Variants in MAU2 observed in about 807,000 individuals in gnomAD.
MAU2 encodes the protein MAU2 sister chromatid cohesion factor, also known as MAU2 chromatid cohesion factor homolog.
Under a neutral mutation model 89.1 loss-of-function variants are expected in MAU2, and 9 were observed. That is an observed-to-expected ratio of 0.10 (90% CI 0.06 to 0.18). The LOEUF (loss-of-function observed/expected upper bound fraction) is 0.18. Among genes scored for constraint, MAU2 ranks in the 10% least tolerant of loss-of-function variants. The pLI, the probability that MAU2 is intolerant of heterozygous loss-of-function variation, is 1.00. For synonymous variants in MAU2, 357 were observed against 343.4 expected (o/e 1.04, Z -0.44); for missense variants, 425 against 803.5 (o/e 0.53, Z 5.69).
intron 1 of MAU2, among the ~76,000 whole-genome samples, chr19:19,323,434 T>C (rs764900146): frequency 9.2e-5 from 14 of 152,222 alleles, no homozygotes; most frequent in Non-Finnish European, 1.9e-4. Flanking sequence ...CCTCAAGTGA[T>C]CCGCCCATCT....
At chr19:19,332,747 G>A (rs373947480) in intron 1 of MAU2, among the ~76,000 whole-genome samples, 18 of 152,260 alleles carry the variant, frequency 1.2e-4, no homozygotes, top group Middle Eastern at 3.4e-3. Flanking sequence ...GCAGAGAGGC[G>A]AGCCCGTTAG....
rs1340985041 is a variant in MAU2 at position 19,358,415 on chromosome 19, G to A, written c.*2633G>A. 2 of 152,076 alleles carry A rather than the reference G, an allele frequency of 1.3e-5. No homozygotes were observed. Among genetic ancestry groups the A allele is most frequent in the African/African-American group, 4.8e-5 (2 of 41,396 alleles). The allele number at this position is 152,076 out of a possible 1,614,324, so 9.4% of individuals were successfully genotyped here. On this transcript the variant is annotated 3_prime_UTR_variant, in exon 19 of 19. Coordinates refer to ENST00000262815, the MANE Select transcript of MAU2 (RefSeq NM_015329.4). ...CCGGTGGGCGAGGATCCTCTCCCTGGGATAAGCACTCCCAGCCCCGTTTAT... is the reference window on the plus strand; with the variant it reads ...CCGGTGGGCGAGGATCCTCTCCCTGAGATAAGCACTCCCAGCCCCGTTTAT...
In MAU2 at chr19:19,342,636, C is replaced by T. The variant is rs2061660166; in HGVS notation, c.837C>T (p.Leu279=). 3 of 1,613,370 alleles carry T rather than the reference C, an allele frequency of 1.9e-6. No homozygotes were observed. The highest frequency in any genetic ancestry group is 2.7e-5 in the African/African-American group (2 of 74,940). The change falls in exon 8 of 19, where the codon CTC becomes CTT. Residue 279 remains leucine, a synonymous_variant. Coordinates refer to ENST00000262815, the MANE Select transcript of MAU2 (RefSeq NM_015329.4). ...DEILPSNPAD[L]FHWLPKEHMC... ...TCCTGCCCAGCAACCCCGCTGACCT[C>T]TTCCACTGGCTGCCCAAGGAGCACA... is the stretch of plus-strand genomic sequence containing the variant.
intron 1 of MAU2, chr19:19,334,502 C>G (rs2061580766): frequency 1.0e-6 from 1 of 985,814 alleles, no homozygotes. Flanking sequence ...CCCAAGGCTG[C>G]CCCCAGCCGT....
At position 19,320,868 on chromosome 19, in the gene MAU2, T is replaced by C. The variant is rs966905559; in HGVS notation, c.9T>C (p.Ala3=). ...TTGTTGTGGAGGCCAAAATGGCGGC[T>C]CAGGCGGCGGCAGCGGCCCAGGCGG... MA[A]QAAAAAQAAA... Residue 3 remains alanine (A), a synonymous_variant, in exon 1 of 19, where the codon GCT becomes GCC. Transcript: ENST00000262815. The C allele has an allele frequency of 1.3e-6, 2 of 1,518,714 alleles. No homozygotes were observed. Among genetic ancestry groups the C allele is most frequent in the South Asian group, 1.3e-5 (1 of 78,390 alleles). 94.1% of individuals were successfully genotyped at this position (1,518,714 alleles called of 1,614,324 possible). A position where few individuals can be genotyped will look rare whatever the true frequency, so the allele number is the denominator to read the frequency against.
At chr19:19,344,348 G>T (rs538007358) in intron 10 of MAU2, 1 of 239,536 alleles carries the variant, frequency 4.2e-6, no homozygotes, top group East Asian at 1.1e-4. Context: ...GGAGGCAGAG[G>T]TTGCAGTGAG....
chr19:19,321,767 T>C (rs2061459579), intron 1 of MAU2: 2 of 152,156 alleles, frequency 1.3e-5, no homozygotes, highest in African/African-American at 4.8e-5. Flanking sequence ...TTGAGGCCTA[T>C]GAGGAGGAGA....
At position 19,320,892 on chromosome 19, in the gene MAU2, G is replaced by GGCGGCGGCCCAGGCT; in HGVS notation, c.37_51dup (p.Ala13_Ala17dup). On this transcript the variant is annotated inframe_insertion, in exon 1 of 19. Coordinates refer to ENST00000262815, the MANE Select transcript of MAU2 (RefSeq NM_015329.4). ...CTCAGGCGGCGGCAGCGGCCCAGGC[G>GGCGGCGGCCCAGGCT]GCGGCGGCCCAGGCTGCGCAGGCCG... 1 of 1,496,870 alleles carries GGCGGCGGCCCAGGCT rather than the reference G, an allele frequency of 6.7e-7. No homozygotes were observed. Among genetic ancestry groups the GGCGGCGGCCCAGGCT allele is most frequent in the African/African-American group, 1.4e-5 (1 of 70,228 alleles). The allele number at this position is 1,496,870 out of a possible 1,614,324, so 92.7% of individuals were successfully genotyped here.
intron 1 of MAU2, among the ~76,000 whole-genome samples, chr19:19,327,166 G>A (rs1232150740): frequency 6.8e-6 from 1 of 146,074 alleles, no homozygotes; most frequent in Non-Finnish European, 1.5e-5. Flanking sequence ...CTGTTGCCCA[G>A]GCTGGAGTGC....
rs1235656281 is a variant in MAU2, at chr19:19,342,628, G to A, written c.829G>A (p.Ala277Thr). 2 of 1,613,322 alleles carry A rather than the reference G, an allele frequency of 1.2e-6. No individual in the cohort carries two copies. Among genetic ancestry groups the A allele is most frequent in the Non-Finnish European group, 1.7e-6 (2 of 1,179,614 alleles). The change falls in exon 8 of 19, where the codon GCT (alanine) becomes ACT (threonine). Residue 277 changes from alanine to threonine, a missense_variant. This residue lies in a region of MAU2 where 119 missense variants were observed against 299.8 expected (regional missense o/e 0.40). Coordinates refer to ENST00000262815, the MANE Select transcript of MAU2 (RefSeq NM_015329.4). ...TGATGAGATCCTGCCCAGCAACCCC[G>A]CTGACCTCTTCCACTGGCTGCCCAA... ...HDDEILPSNP[A>T]DLFHWLPKEH...
At chr19:19,355,021 A>T (rs1035703442) in intron 17 of MAU2, 3 of 463,212 alleles carry the variant, frequency 6.5e-6, no homozygotes, top group Non-Finnish European at 1.2e-5. Flanking sequence ...GGCTCCCTGG[A>T]GGGCTGGCGA....
At chr19:19,339,897 A>G (rs528937904) in intron 5 of MAU2, among the ~76,000 whole-genome samples, 40 of 151,604 alleles carry the variant, frequency 2.6e-4, no homozygotes, top group African/African-American at 2.7e-4. Context: ...GGCCGGGCGC[A>G]GTGGCTCACA....
intron 1 of MAU2, among the ~76,000 whole-genome samples, chr19:19,322,937 C>T (rs1157053574): frequency 6.6e-6 from 1 of 152,022 alleles, no homozygotes; most frequent in Non-Finnish European, 1.5e-5. Context: ...GTTGCCGGGG[C>T]TGTAGCGCAA....
rs2061447174 is a variant in MAU2 at position 19,320,937 on chromosome 19, C to G, written c.78C>G (p.Tyr26Ter). The change falls in exon 1 of 19, where the codon TAC becomes TAG. Residue 26 changes from tyrosine (Y) to a stop codon, truncating the protein, a stop_gained. Transcript: ENST00000262815. LOFTEE classifies it high-confidence loss of function. ...AAQAEAADSW[Y>*]LALLGFAEHF... ...AGGCCGAGGCGGCCGACTCGTGGTACCTGGCGCTTCTGGGCTTCGCTGAGC... is the reference window on the plus strand; with the variant it reads ...AGGCCGAGGCGGCCGACTCGTGGTAGCTGGCGCTTCTGGGCTTCGCTGAGC... 1 of 1,575,716 alleles carries G rather than the reference C, an allele frequency of 6.3e-7. No homozygotes were observed. The highest frequency in any genetic ancestry group is 1.4e-5 in the African/African-American group (1 of 73,606).
chr19:19,355,920 C>T lies in MAU2; in HGVS notation c.*138C>T. The T allele has an allele frequency of 1.2e-6, 1 of 846,446 alleles. No homozygotes were observed. The highest frequency in any genetic ancestry group is 2.0e-6 in the Non-Finnish European group (1 of 511,862). The allele number at this position is 846,446 out of a possible 1,614,324, so 52.4% of individuals were successfully genotyped here. ...TCCAAGTCCTGGGAATGTGCGGGGC[C>T]AGTCCCTGCCCTCCCAGGAGGGGTG... On this transcript the variant is annotated 3_prime_UTR_variant, in exon 19 of 19. Coordinates refer to ENST00000262815, the MANE Select transcript of MAU2 (RefSeq NM_015329.4).
At chr19:19,347,242 C>T in intron 12 of MAU2, 38 bp from the exon 13 acceptor site, 2 of 1,418,972 alleles carry the variant, frequency 1.4e-6, no homozygotes, top group Non-Finnish European at 2.0e-6. Flanking sequence ...GTCACAGCAC[C>T]CGACCCAGCC....
At chr19:19,328,020 C>T (rs1312727683) in intron 1 of MAU2, among the ~76,000 whole-genome samples, 2 of 151,836 alleles carry the variant, frequency 1.3e-5, no homozygotes, top group East Asian at 1.9e-4. Context: ...TTAGCGGGCC[C>T]GTGGTGGCTC....
At position 19,334,490 on chromosome 19, in the gene MAU2, G is replaced by T. The variant is rs1054802302; in HGVS notation, c.277-1228G>T. 5 of 985,810 alleles carry T rather than the reference G, an allele frequency of 5.1e-6. No homozygotes were observed. In the African/African-American group the frequency reaches 5.2e-5, roughly 10 times the overall value. The allele number at this position is 985,810 out of a possible 1,614,324, so 61.1% of individuals were successfully genotyped here. ...CTCACCCTTGCCCTAGAGATCTCCA[G>T]CCCCAAGGCTGCCCCCAGCCGTGGA... On this transcript the variant is annotated intron_variant, in intron 1 of 18. Coordinates refer to ENST00000262815, the MANE Select transcript of MAU2 (RefSeq NM_015329.4).
In MAU2 at chr19:19,343,834, T is replaced by C. The variant is rs765090639; in HGVS notation, c.974-3T>C. On this transcript the variant is annotated splice_polypyrimidine_tract_variant and splice_region_variant and intron_variant, in intron 9 of 18. Coordinates refer to ENST00000262815, the MANE Select transcript of MAU2 (RefSeq NM_015329.4). The stretch of plus-strand genomic sequence containing the variant: ...CATGCTTACCCCTGACTCTCACCCA[T>C]AGTGCTGGACTGCAGCCCCATCCTG... 5 of 1,610,894 alleles carry C rather than the reference T, an allele frequency of 3.1e-6. No homozygotes were observed. In the African/African-American group the frequency reaches 6.7e-5, roughly 22 times the overall value.
Sources: allele counts gnomAD v4.1 joint callset (sites outside exome capture counted in the v4.1 genomes callset), GRCh38; gene constraint gnomAD v4.1.1; regional missense constraint gnomAD v4.1.1; transcripts MANE v1.5; gene names NCBI Gene and HGNC (gene_info 2026-07-23, HGNC 2026-07-21).